The following SLC16A7 variants were observed in gnomAD, a reference collection of about 807,000 sequenced individuals.
SLC16A7 encodes the protein solute carrier family 16 member 7.
A neutral mutation model predicts 34.9 loss-of-function variants in SLC16A7; 33 were observed. The observed-to-expected ratio is 0.94, with a 90% CI of 0.72 to 1.26. The LOEUF (loss-of-function observed/expected upper bound fraction) is 1.26, where lower values mean the gene tolerates loss of function less well. Among genes scored for constraint, SLC16A7 ranks in the 50% most tolerant of loss-of-function variants. The pLI, the probability that SLC16A7 is intolerant of heterozygous loss-of-function variation, is 0.00. For synonymous variants in SLC16A7, 201 were observed against 206.6 expected (o/e 0.97, Z 0.23); for missense variants, 573 against 578.1 (o/e 0.99, Z 0.09).
At chr12:59,645,433 A>T (rs1427058960) in intron 1 of SLC16A7, among the ~76,000 whole-genome samples, 3 of 152,062 alleles carry the variant, frequency 2.0e-5, no homozygotes, top group South Asian at 2.1e-4. Flanking sequence ...ACAAGATTTG[A>T]TGGTTTTATA....
intron 2 of SLC16A7, among the ~76,000 whole-genome samples, chr12:59,675,703 A>T (rs1323462684): frequency 6.6e-6 from 1 of 152,170 alleles, no homozygotes; most frequent in Non-Finnish European, 1.5e-5. Context: ...ATAATTCATG[A>T]TGTAATAAAA....
At chr12:59,680,602 C>T (rs1008901259) in intron 2 of SLC16A7, among the ~76,000 whole-genome samples, 43 of 151,812 alleles carry the variant, frequency 2.8e-4, no homozygotes, top group Admixed American at 1.2e-3. Flanking sequence ...ATTATAATAC[C>T]GTATTTATTT....
At chr12:59,658,882 A>T (rs1300413235) in intron 2 of SLC16A7, among the ~76,000 whole-genome samples, 3 of 152,070 alleles carry the variant, frequency 2.0e-5, no homozygotes. Flanking sequence ...ATGAATTGAG[A>T]GTTTCTGATA....
intron 3 of SLC16A7, among the ~76,000 whole-genome samples, chr12:59,714,148 C>T (rs1874589567): frequency 1.3e-5 from 2 of 152,074 alleles, no homozygotes; most frequent in Non-Finnish European, 2.9e-5. Context: ...TTTGTGAAAG[C>T]CGTGGAAGAG....
chr12:59,663,139 C>T (rs903164908), intron 2 of SLC16A7, among the ~76,000 whole-genome samples: 1 of 151,796 alleles, frequency 6.6e-6, no homozygotes, highest in South Asian at 2.1e-4. Context: ...CTTTATAGAT[C>T]TTATCAAGCT....
chr12:59,618,982 G>T (rs2136978217), intron 1 of SLC16A7, among the ~76,000 whole-genome samples: 1 of 152,020 alleles, frequency 6.6e-6, no homozygotes, highest in Middle Eastern at 3.4e-3. Context: ...TGCAACACCT[G>T]ATTATAAAGA....
intron 1 of SLC16A7, among the ~76,000 whole-genome samples, chr12:59,652,561 G>T (rs567849184): frequency 6.6e-6 from 1 of 151,884 alleles, no homozygotes; most frequent in Middle Eastern, 3.4e-3. Context: ...CCTAAATAAT[G>T]ATCTCTGAAA....
At chr12:59,740,920 GACAA>G (rs1373919640) in intron 3 of SLC16A7, among the ~76,000 whole-genome samples, 4 of 152,184 alleles carry the variant, frequency 2.6e-5, no homozygotes, top group South Asian at 2.1e-4. Flanking sequence ...ACCAATAACA[GACAA>G]ACAGAGAGCC....
At chr12:59,648,770 T>C (rs962545483) in intron 1 of SLC16A7, among the ~76,000 whole-genome samples, 2 of 152,150 alleles carry the variant, frequency 1.3e-5, no homozygotes, top group African/African-American at 4.8e-5. Flanking sequence ...CATCAATGTT[T>C]AAGCCTCTAG....
intron 3 of SLC16A7, among the ~76,000 whole-genome samples, chr12:59,757,187 C>A (rs935413032): frequency 7.7e-4 from 117 of 151,436 alleles, no homozygotes; most frequent in African/African-American, 2.8e-3. Flanking sequence ...AGCACACCAG[C>A]ATGGCACATG....
intron 3 of SLC16A7, among the ~76,000 whole-genome samples, chr12:59,739,784 C>T (rs1201236944): frequency 6.6e-6 from 1 of 152,196 alleles, no homozygotes; most frequent in Non-Finnish European, 1.5e-5. Context: ...TTGCATTTCT[C>T]TGATGACCAG....
At chr12:59,681,811 A>G (rs915992288) in intron 2 of SLC16A7, among the ~76,000 whole-genome samples, 3 of 152,126 alleles carry the variant, frequency 2.0e-5, no homozygotes, top group African/African-American at 7.2e-5. Flanking sequence ...ATAGGGAATC[A>G]ACAGCATTCA....
intron 1 of SLC16A7, among the ~76,000 whole-genome samples, chr12:59,617,865 A>G (rs970735173): frequency 6.6e-6 from 1 of 151,900 alleles, no homozygotes; most frequent in Non-Finnish European, 1.5e-5. Flanking sequence ...TGGAGTTTTA[A>G]TAATTAGAAA....
intron 1 of SLC16A7, among the ~76,000 whole-genome samples, chr12:59,612,158 C>T (rs866220228): frequency 1.3e-5 from 2 of 152,242 alleles, no homozygotes; most frequent in African/African-American, 4.8e-5. Flanking sequence ...GAGGGCCTTG[C>T]CCCTGCAGCA....
intron 2 of SLC16A7, among the ~76,000 whole-genome samples, chr12:59,684,040 A>C (rs1271084160): frequency 6.6e-6 from 1 of 152,232 alleles, no homozygotes; most frequent in African/African-American, 2.4e-5. Context: ...CCAGTGCAAG[A>C]AATTCACAAT....
At chr12:59,695,628 ATTTGACCTGGTGGCTGTGTTGCCT>A (rs1346455824) in intron 2 of SLC16A7, among the ~76,000 whole-genome samples, 1 of 152,042 alleles carries the variant, frequency 6.6e-6, no homozygotes, top group Non-Finnish European at 1.5e-5. Context: ...TAGAAACGTC[ATTTGACCTGGTGGCTGTGTTGCCT>A]TTGTTCAGCA....
At chr12:59,714,549 TTCTC>T (rs143686501) in intron 3 of SLC16A7, among the ~76,000 whole-genome samples, 30 of 150,492 alleles carry the variant, frequency 2.0e-4, no homozygotes, top group Non-Finnish European at 2.1e-4. Context: ...CCTGGTGTCT[TTCTC>T]TCTCTCTCTC....
intron 2 of SLC16A7, among the ~76,000 whole-genome samples, chr12:59,679,050 C>T (rs1456080705): frequency 6.6e-6 from 1 of 152,198 alleles, no homozygotes; most frequent in Non-Finnish European, 1.5e-5. Flanking sequence ...AGAAGCCAGG[C>T]TGTGGGAGCA....
At chr12:59,761,285 T>G in intron 3 of SLC16A7, 2 of 520,062 alleles carry the variant, frequency 3.8e-6, no homozygotes, top group South Asian at 1.9e-5. Flanking sequence ...GCATTTATAT[T>G]CTCTTAAAGT....
Sources: allele counts gnomAD v4.1 joint callset (sites outside exome capture counted in the v4.1 genomes callset), GRCh38; gene constraint gnomAD v4.1.1; transcripts MANE v1.5; gene names NCBI Gene and HGNC (gene_info 2026-07-23, HGNC 2026-07-21).